Variants in ARRDC1 observed in about 807,000 individuals in gnomAD.
ARRDC1 encodes arrestin domain containing 1.
In ARRDC1, 37 loss-of-function variants were observed where a neutral mutation model predicts 40.1. The ratio of observed to expected loss-of-function variants is 0.92; its 90% CI spans 0.71 to 1.21. The LOEUF (loss-of-function observed/expected upper bound fraction) is 1.21. ARRDC1 is among the 50% of genes most tolerant of loss of function. The pLI is 0.00. For missense variants in ARRDC1, 641 were observed against 581.9 expected (o/e 1.10, Z -1.04); for synonymous variants, 310 against 262.5 (o/e 1.18, Z -1.75).
chr9:137,608,503 G>T (rs1842461235), intron 1 of ARRDC1, among the ~76,000 whole-genome samples: 2 of 152,260 alleles, frequency 1.3e-5, no homozygotes, highest in African/African-American at 4.8e-5. Flanking sequence ...CAGTCTGCAA[G>T]CTGGAAAGAA....
chr9:137,607,871 C>T (rs942617205), intron 1 of ARRDC1, among the ~76,000 whole-genome samples: 6 of 152,224 alleles, frequency 3.9e-5, no homozygotes, highest in African/African-American at 1.4e-4. Context: ...CCAGTGGTCA[C>T]TTGAGAACGC....
In ARRDC1 at chr9:137,613,259, A is replaced by G. The variant is rs373235964; in HGVS notation, c.230-201A>G. 253 of 758,486 alleles carry G rather than the reference A, an allele frequency of 3.3e-4. 2 individuals carry two copies. In the African/African-American group the frequency reaches 4.1e-3, roughly 12 times the overall value. The allele number at this position is 758,486 out of a possible 1,614,324, so 47.0% of individuals were successfully genotyped here. ...TGTTTCACCCTTGCCCCATTCCCAA[A>G]CCACTCTCCTGTTCAAGCCAAGCTC... On this transcript the variant is annotated intron_variant, in intron 2 of 7. Coordinates refer to ENST00000371421, the MANE Select transcript of ARRDC1 (RefSeq NM_152285.4).
Position 137,613,737 on chromosome 9 carries a change from C to T in ARRDC1, c.403C>T (p.Pro135Ser), listed in dbSNP as rs758730925. The T allele has an allele frequency of 6.2e-7, 1 of 1,614,188 alleles. No individual in the cohort carries two copies. The highest frequency in any genetic ancestry group is 1.1e-5 in the South Asian group (1 of 91,086). ...CAGCCTCGTGTTCTATATCTTGAGC[C>T]CCTTGAACCTGAACAGCATCCCAGA... ...KCSLVFYILS[P>S]LNLNSIPDIE... The change falls in exon 4 of 8, where the codon CCC becomes TCC. Residue 135 changes from proline (P) to serine (S), a missense_variant. Transcript: ENST00000371421.
At position 137,609,317 on chromosome 9, in the gene ARRDC1, CTCTGCCTCCCTGGTTCAAGTGATTCT is replaced by C. The variant is rs561504247; in HGVS notation, c.118+3491_118+3516del. 3.0e-4 allele frequency among the ~76,000 whole-genome samples: 45 copies of C among 151,778 alleles called. No individual in the cohort carries two copies. In the South Asian group the frequency reaches 9.2e-3, roughly 31 times the overall value. ...TGCAATCTCAGCTGCTCACCGCAAC[CTCTGCCTCCCTGGTTCAAGTGATTCT>C]TCTGCCTCAGACTCCCGAGTAGCTG... On this transcript the variant is annotated intron_variant, in intron 1 of 7. Coordinates refer to ENST00000371421, the MANE Select transcript of ARRDC1 (RefSeq NM_152285.4).
At chr9:137,613,877 A>G in intron 4 of ARRDC1, 108 bp downstream of exon 4, 2 of 1,532,124 alleles carry the variant, frequency 1.3e-6, no homozygotes, top group Non-Finnish European at 1.8e-6. Context: ...AGCTGAGGTG[A>G]GGGGGGCCAG....
In ARRDC1 at chr9:137,613,035, T is replaced by A. The variant is rs372051719; in HGVS notation, c.229+29T>A. The stretch of plus-strand genomic sequence containing the variant: ...AGTTTGGGAGCCAGTTCCCGAGTGG[T>A]GACCCCTGGGGGCAGCCCTTGGAGT... On this transcript the variant is annotated intron_variant, in intron 2 of 7. Coordinates refer to ENST00000371421, the MANE Select transcript of ARRDC1 (RefSeq NM_152285.4). The A allele has an allele frequency of 9.6e-6, 15 of 1,568,384 alleles. No individual in the cohort carries two copies. In the African/African-American group the frequency reaches 2.0e-4, roughly 21 times the overall value.
chr9:137,614,053 A>G lies in ARRDC1; in HGVS notation c.457A>G (p.Thr153Ala). ...DIEQPNVASATKKFSYKLVKT... is the reference protein window; with the variant it reads ...DIEQPNVASAAKKFSYKLVKT... ...CAAGCAACCCAACGTGGCCTCTGCC[A>G]CCAAGAAGTTCTCCTACAAGCTGGT... Residue 153 changes from threonine to alanine, a missense_variant, in exon 5 of 8, where the codon ACC becomes GCC. By Grantham distance (58) the Thr-to-Ala change is moderately conservative. Transcript: ENST00000371421. 1 of 1,613,554 alleles carries G rather than the reference A, an allele frequency of 6.2e-7. No homozygotes were observed. Among genetic ancestry groups the G allele is most frequent in the Non-Finnish European group, 8.5e-7 (1 of 1,179,934 alleles).
chr9:137,606,974 G>C (rs1842434623), intron 1 of ARRDC1, among the ~76,000 whole-genome samples: 1 of 152,214 alleles, frequency 6.6e-6, no homozygotes, highest in African/African-American at 2.4e-5. Flanking sequence ...GACTGGCCTG[G>C]GTGTGCAGGC....
intron 1 of ARRDC1, among the ~76,000 whole-genome samples, chr9:137,610,006 G>T (rs1256602465): frequency 6.6e-6 from 1 of 151,860 alleles, no homozygotes; most frequent in South Asian, 2.1e-4. Flanking sequence ...GTAGAGACGG[G>T]GGTTTCACCG....
intron 1 of ARRDC1, among the ~76,000 whole-genome samples, chr9:137,610,768 G>A (rs376057304): frequency 2.6e-5 from 4 of 152,132 alleles, no homozygotes; most frequent in Admixed American, 1.3e-4. Flanking sequence ...TCTCCATGTC[G>A]GTCAGGCTGG....
intron 2 of ARRDC1, 54 bp downstream of exon 2, chr9:137,613,060 T>C: frequency 7.4e-7 from 1 of 1,356,432 alleles, no homozygotes; most frequent in South Asian, 1.2e-5. Flanking sequence ...GCCCTTGGAG[T>C]GGGGCCTGTC....
chr9:137,612,340 C>T (rs1490413591), intron 1 of ARRDC1: 3 of 158,936 alleles, frequency 1.9e-5, no homozygotes, highest in South Asian at 1.9e-4. Flanking sequence ...AAGTCAGCCC[C>T]GCTGGGCAGT....
At chr9:137,608,248 TG>T (rs1162343219) in intron 1 of ARRDC1, among the ~76,000 whole-genome samples, 1 of 152,242 alleles carries the variant, frequency 6.6e-6, no homozygotes, top group African/African-American at 2.4e-5. Context: ...CCCAAAGTGC[TG>T]GGATTACAGG....
Position 137,615,264 on chromosome 9 carries a change from T to C in ARRDC1, c.*126T>C. The C allele has an allele frequency of 3.3e-6, 3 of 908,166 alleles. No individual in the cohort carries two copies. Among genetic ancestry groups the C allele is most frequent in the Non-Finnish European group, 3.1e-6 (2 of 639,736 alleles). 56.3% of individuals were successfully genotyped at this position (908,166 alleles called of 1,614,324 possible). On this transcript the variant is annotated 3_prime_UTR_variant, in exon 8 of 8. Transcript: ENST00000371421. ...CCTGCCCAGCCTCTGCCAGCTCCTC[T>C]GGCATCCGCCCTCTTCTCCCTGGGG...
rs1415596878 is a variant in ARRDC1, at chr9:137,612,956, G to A, written c.179G>A (p.Trp60Ter). The change falls in exon 2 of 8, where the codon TGG becomes TAG. Residue 60 changes from tryptophan to a stop codon, truncating the protein, a stop_gained. Transcript: ENST00000371421. LOFTEE classifies it high-confidence loss of function. ...TCCAACAAGGCTAATGACACAGCGT[G>A]GGTAGTGGAGGAGGGTTACTTCAAC... ...GVSNKANDTA[W>*]VVEEGYFNSS... The A allele has an allele frequency of 1.2e-6, 2 of 1,614,052 alleles. No individual in the cohort carries two copies. The highest frequency in any genetic ancestry group is 2.7e-5 in the African/African-American group (2 of 74,956).
At position 137,609,240 on chromosome 9, in the gene ARRDC1, T is replaced by TA. The variant is rs1413370411; in HGVS notation, c.118+3406dup. 2.5e-4 allele frequency among the ~76,000 whole-genome samples: 38 copies of TA among 152,236 alleles called. No homozygotes were observed. The East Asian group carries it at 6.6e-3, about 26-fold the overall frequency. ...TCCAACGTGTGTTGAGACATTTATT[T>TA]ATTTATTTATTTATTTACGTTGCTC... On this transcript the variant is annotated intron_variant, in intron 1 of 7. Coordinates refer to ENST00000371421, the MANE Select transcript of ARRDC1 (RefSeq NM_152285.4).
At chr9:137,610,085 A>G (rs561135700) in intron 1 of ARRDC1, among the ~76,000 whole-genome samples, 1 of 152,066 alleles carries the variant, frequency 6.6e-6, no homozygotes, top group African/African-American at 2.4e-5. Flanking sequence ...CAGTGCTGGG[A>G]TTACAGGCTG....
At chr9:137,609,423 G>A (rs1326622531) in intron 1 of ARRDC1, among the ~76,000 whole-genome samples, 2 of 151,664 alleles carry the variant, frequency 1.3e-5, no homozygotes, top group African/African-American at 2.4e-5. Flanking sequence ...TAGTAGAGAC[G>A]GGGTTTCTCC....
intron 1 of ARRDC1, chr9:137,612,566 T>C: frequency 6.5e-6 from 2 of 308,600 alleles, no homozygotes; most frequent in Non-Finnish European, 1.2e-5. Flanking sequence ...GCAGCTGAGC[T>C]TTCGCAGGTC....
Sources: gnomAD v4.1 joint callset for allele counts (sites outside exome capture counted in the v4.1 genomes callset) on GRCh38, gnomAD v4.1.1 for gene constraint, MANE v1.5 for transcripts, NCBI Gene and HGNC (gene_info 2026-07-23, HGNC 2026-07-21) for gene names.